The following TACC1 variants were observed in gnomAD, a reference collection of about 807,000 sequenced individuals.
TACC1 encodes the protein transforming acidic coiled-coil-containing protein 1.
In TACC1, 48 loss-of-function variants were observed where a neutral mutation model predicts 84.4. The observed-to-expected ratio is 0.57, with a 90% confidence interval of 0.45 to 0.72. The LOEUF is 0.72. Ranked by LOEUF, TACC1 falls within the 30% of genes least tolerant of loss-of-function variation. TACC1 has a pLI of 0.00. For missense variants in TACC1, 920 were observed against 973.0 expected (o/e 0.95, Z 0.72); for synonymous variants, 372 against 376.3 (o/e 0.99, Z 0.13).
intron 3 of TACC1, among the ~76,000 whole-genome samples, chr8:38,773,371 A>C (rs1054683091): frequency 2.7e-5 from 4 of 149,346 alleles, no homozygotes; most frequent in Non-Finnish European, 5.9e-5. Flanking sequence ...ATTAATATGC[A>C]TATCAAATAA....
At chr8:38,824,103 T>C in intron 3 of TACC1, 1 of 1,121,446 alleles carries the variant, frequency 8.9e-7, no homozygotes, top group South Asian at 1.2e-5. Context: ...CATCTCTCCA[T>C]AGCATGTTTG....
chr8:38,824,102 A>C (rs1194379138), intron 3 of TACC1: 1 of 1,135,620 alleles, frequency 8.8e-7, no homozygotes, highest in African/African-American at 1.6e-5. Context: ...CCATCTCTCC[A>C]TAGCATGTTT....
At position 38,745,505 on chromosome 8, in the gene TACC1, A is replaced by T. The variant is rs181912915; in HGVS notation, c.26+12A>T. Reference sequence around the variant, plus strand: ...TTGAAACTTAAAAGGCAAGGGTTTTAATTTTTGTTTTCTTGTTTTTTTTCT... The same window carrying T: ...TTGAAACTTAAAAGGCAAGGGTTTTTATTTTTGTTTTCTTGTTTTTTTTCT... On this transcript the variant is annotated intron_variant, in intron 3 of 14. Coordinates refer to the TACC1 transcript ENST00000518415. 498 of 687,482 alleles carry T rather than the reference A, an allele frequency of 7.2e-4. 1 individual carries two copies. In the African/African-American group the frequency reaches 7.8e-3, roughly 11 times the overall value. 42.6% of individuals were successfully genotyped at this position (687,482 alleles called of 1,614,324 possible). A position where few individuals can be genotyped will look rare whatever the true frequency, so the allele number is the denominator to read the frequency against.
At chr8:38,847,420 A>G (rs758806069) in intron 12 of TACC1, among the ~76,000 whole-genome samples, 12 of 152,196 alleles carry the variant, frequency 7.9e-5, no homozygotes, top group Non-Finnish European at 1.2e-4. Flanking sequence ...ACTAGCAACA[A>G]TCCCTGTTTC....
intron 1 of TACC1, among the ~76,000 whole-genome samples, chr8:38,734,196 T>C (rs1255497271): frequency 6.6e-6 from 1 of 152,094 alleles, no homozygotes; most frequent in Non-Finnish European, 1.5e-5. Flanking sequence ...AGCCTGTTTG[T>C]TTGTTTGTTT....
intron 1 of TACC1, among the ~76,000 whole-genome samples, chr8:38,734,738 G>A (rs966784496): frequency 1.3e-5 from 2 of 152,256 alleles, no homozygotes; most frequent in Admixed American, 1.3e-4. Context: ...CCTGGCAGTC[G>A]CGTTGCTGGC....
chr8:38,807,662 G>T (rs928031771), intron 2 of TACC1, among the ~76,000 whole-genome samples: 2 of 152,196 alleles, frequency 1.3e-5, no homozygotes, highest in Admixed American at 6.5e-5. Flanking sequence ...TTGATTCTCA[G>T]TATGTTAGCT....
chr8:38,728,853 T>C (rs1804350159), intron 1 of TACC1: 1 of 152,272 alleles, frequency 6.6e-6, no homozygotes, highest in Non-Finnish European at 1.5e-5. Context: ...TCTTTCCAAG[T>C]TGAACTTTAA....
chr8:38,811,487 C>T (rs1182688289), intron 2 of TACC1, among the ~76,000 whole-genome samples: 4 of 152,174 alleles, frequency 2.6e-5, no homozygotes, highest in South Asian at 2.1e-4. Context: ...GAACATAAAT[C>T]GTGAAGATTT....
chr8:38,819,772 T>C lies in TACC1; in HGVS notation c.528T>C (p.Thr176=). The C allele has an allele frequency of 6.2e-7, 1 of 1,613,968 alleles. No homozygotes were observed. Among genetic ancestry groups the C allele is most frequent in the Non-Finnish European group, 8.5e-7 (1 of 1,180,030 alleles). ...CAAAAGCAGCTCATGGCTGTGTAAC[T>C]GCAGTCTCAGGCAAGGCTCTGCCTT... The part of the protein sequence containing the change: ...LGTKAAHGCV[T]AVSGKALPSS... Residue 176 remains threonine, a synonymous_variant, in exon 3 of 13, where the codon ACT becomes ACC. Transcript: ENST00000317827.
At chr8:38,790,287 A>T (rs1019629015) in intron 2 of TACC1, among the ~76,000 whole-genome samples, 4 of 152,200 alleles carry the variant, frequency 2.6e-5, no homozygotes, top group Non-Finnish European at 4.4e-5. Context: ...ACCCTAATCC[A>T]GTTTGACCTC....
intron 3 of TACC1, among the ~76,000 whole-genome samples, chr8:38,749,046 A>C (rs7009994): frequency 0.78 from 118,317 of 151,830 alleles, 46,331 homozygotes; most frequent in African/African-American, 0.85. Flanking sequence ...AAATCTCAAG[A>C]CTGACTGGCA....
chr8:38,763,039 A>G (rs1048561368), intron 3 of TACC1, among the ~76,000 whole-genome samples: 3 of 152,228 alleles, frequency 2.0e-5, no homozygotes, highest in Non-Finnish European at 4.4e-5. Flanking sequence ...ATTCCCACCA[A>G]CAAATGCATG....
At position 38,852,145 on chromosome 8, in the gene TACC1, G is replaced by A; in HGVS notation, c.*4122G>A. On this transcript the variant is annotated 3_prime_UTR_variant, in exon 13 of 13. Coordinates refer to ENST00000317827, the MANE Select transcript of TACC1 (RefSeq NM_006283.3). The stretch of plus-strand genomic sequence containing the variant: ...TGGAGACTAAAGATTGCACTTTTTT[G>A]TAGTTTTTTGTCCAAATGCAATCCC... 6.8e-6 allele frequency: 2 copies of A among 292,394 alleles called. No homozygotes were observed. Among genetic ancestry groups the A allele is most frequent in the South Asian group, 6.0e-5 (2 of 33,364 alleles). 18.1% of individuals were successfully genotyped at this position (292,394 alleles called of 1,614,324 possible). A position where few individuals can be genotyped will look rare whatever the true frequency, so the allele number is the denominator to read the frequency against.
chr8:38,834,258 G>T (rs1314536269), intron 6 of TACC1, among the ~76,000 whole-genome samples: 1 of 152,218 alleles, frequency 6.6e-6, no homozygotes, highest in Non-Finnish European at 1.5e-5. Flanking sequence ...CAAGTCTCGG[G>T]TCCCCACTGG....
intron 10 of TACC1, 31 bp downstream of exon 10, chr8:38,842,478 G>A (rs372318802): frequency 1.9e-5 from 30 of 1,578,316 alleles, no homozygotes; most frequent in Non-Finnish European, 2.4e-5. Flanking sequence ...GTCTCCTGGT[G>A]TATTTCCAGT....
At chr8:38,732,475 G>C (rs1275601830) in intron 1 of TACC1, among the ~76,000 whole-genome samples, 1 of 152,068 alleles carries the variant, frequency 6.6e-6, no homozygotes, top group South Asian at 2.1e-4. Flanking sequence ...AGAATTGTGT[G>C]GCTTTTTCAA....
chr8:38,733,838 G>A (rs557636532), intron 1 of TACC1, among the ~76,000 whole-genome samples: 13 of 152,262 alleles, frequency 8.5e-5, no homozygotes, highest in African/African-American at 3.1e-4. Flanking sequence ...CCAAGCATGG[G>A]CGTGTTTATA....
At position 38,812,500 on chromosome 8, in the gene TACC1, G is replaced by A. The variant is rs142564774; in HGVS notation, c.278-7022G>A. Among the ~76,000 whole-genome samples, 816 of 152,218 alleles carry A rather than the reference G, an allele frequency of 5.4e-3. 4 individuals carry two copies. The highest frequency in any genetic ancestry group is 0.014 in the Middle Eastern group (4 of 294). ...AACCTACGTTGAAATATTGGGGGTG[G>A]ATTCCCCCAATACTTCCTATTCATT... On this transcript the variant is annotated intron_variant, in intron 2 of 12. Coordinates refer to ENST00000317827, the MANE Select transcript of TACC1 (RefSeq NM_006283.3).
Sources: allele counts gnomAD v4.1 joint callset (sites outside exome capture counted in the v4.1 genomes callset), GRCh38; gene constraint gnomAD v4.1.1; transcripts MANE v1.5; gene names NCBI Gene and HGNC (gene_info 2026-07-23, HGNC 2026-07-21).